Variants in USP34 observed in about 807,000 individuals in gnomAD.
USP34 encodes ubiquitin specific peptidase 34.
Under a neutral mutation model 460.3 loss-of-function variants are expected in USP34, and 70 were observed. The ratio of observed to expected loss-of-function variants is 0.15; its 90% CI spans 0.13 to 0.19. The LOEUF is 0.19. Among genes scored for constraint, USP34 ranks in the 10% least tolerant of loss-of-function variants. The pLI, the probability that USP34 is intolerant of heterozygous loss-of-function variation, is 1.00. For synonymous variants in USP34, 1,647 were observed against 1,405.3 expected (o/e 1.17, Z -3.85); for missense variants, 3,985 against 4,236.2 (o/e 0.94, Z 1.65).
intron 18 of USP34, among the ~76,000 whole-genome samples, chr2:61,338,853 A>G (rs561417340): frequency 1.8e-4 from 27 of 152,328 alleles, no homozygotes; most frequent in South Asian, 1.7e-3. Context: ...AGAACTGTAC[A>G]TATCTAATAT....
chr2:61,430,237 A>G (rs1558589807), intron 1 of USP34, among the ~76,000 whole-genome samples: 1 of 60,446 alleles, frequency 1.7e-5, no homozygotes, highest in African/African-American at 5.4e-5. Context: ...AAAAGAAAAG[A>G]AAAAAAAAAT....
intron 15 of USP34, among the ~76,000 whole-genome samples, chr2:61,345,738 G>T (rs1012111862): frequency 6.6e-6 from 1 of 152,082 alleles, no homozygotes; most frequent in Admixed American, 6.6e-5. Context: ...GGACTCAAGC[G>T]ATCCTTCCAC....
At chr2:61,435,979 G>T (rs1425371671) in intron 1 of USP34, among the ~76,000 whole-genome samples, 1 of 152,028 alleles carries the variant, frequency 6.6e-6, no homozygotes, top group Non-Finnish European at 1.5e-5. Flanking sequence ...AGTAAACCAA[G>T]ATCACCCCAT....
At chr2:61,319,956 C>G (rs944190399) in intron 21 of USP34, among the ~76,000 whole-genome samples, 4 of 152,142 alleles carry the variant, frequency 2.6e-5, no homozygotes, top group African/African-American at 9.7e-5. Flanking sequence ...TTAATACAAA[C>G]CACTAAGATA....
At position 61,454,859 on chromosome 2, in the gene USP34, GT is replaced by G. The variant is rs36058836; in HGVS notation, c.43+15790del. On this transcript the variant is annotated intron_variant, in intron 1 of 79. Transcript: ENST00000398571. ...CGCCACACCCAGCAAATATAGTGGG[GT>G]TTTTTTTTTCTTTTTTTTTTTTTTT... Among the ~76,000 whole-genome samples the G allele has an allele frequency of 4.7e-4, 40 of 84,706 alleles. 3 individuals carry two copies. Among genetic ancestry groups the G allele is most frequent in the Non-Finnish European group, 6.5e-4 (27 of 41,350 alleles). The allele number at this position is 84,706 out of a possible 152,430, so 55.6% of individuals were successfully genotyped here. A position where few individuals can be genotyped will look rare whatever the true frequency, so the allele number is the denominator to read the frequency against.
At position 61,395,230 on chromosome 2, in the gene USP34, T is replaced by C. The variant is rs916226025; in HGVS notation, c.556A>G (p.Ile186Val). ...AATATGTTACTTTCTTGAGTTGATA[T>C]ATCCTAATTAAAAAAAAAAAAGCAA... ...KHNTHPTIED[I>V]STQESNILGA... Residue 186 changes from isoleucine to valine, a missense_variant, in exon 4 of 80, where the codon ATA (isoleucine) becomes GTA (valine). Coordinates refer to ENST00000398571, the MANE Select transcript of USP34 (RefSeq NM_014709.4). The C allele has an allele frequency of 6.8e-7, 1 of 1,465,240 alleles. No individual in the cohort carries two copies. Among genetic ancestry groups the C allele is most frequent in the Non-Finnish European group, 9.4e-7 (1 of 1,065,864 alleles). 90.8% of individuals were successfully genotyped at this position (1,465,240 alleles called of 1,614,324 possible).
intron 20 of USP34, among the ~76,000 whole-genome samples, chr2:61,329,962 A>C (rs769987795): frequency 3.3e-5 from 5 of 152,210 alleles, no homozygotes; most frequent in Non-Finnish European, 5.9e-5. Context: ...AGAATGAACC[A>C]GCATATGGGA....
In USP34 at chr2:61,370,305, G is replaced by T. The variant is rs562385332; in HGVS notation, c.1251+16C>A. 19 of 1,610,304 alleles carry T rather than the reference G, an allele frequency of 1.2e-5. No homozygotes were observed. Among genetic ancestry groups the T allele is most frequent in the African/African-American group, 5.3e-5 (4 of 74,884 alleles). On this transcript the variant is annotated intron_variant, in intron 10 of 79. Transcript: ENST00000398571. ...GATAAGCAAAGCACTCAATAAATGT[G>T]AGCTGTTAATATTACCTGTGCTGCA...
intron 27 of USP34, among the ~76,000 whole-genome samples, chr2:61,304,003 T>C (rs1465066614): frequency 6.6e-6 from 1 of 152,168 alleles, no homozygotes; most frequent in East Asian, 1.9e-4. Context: ...GCTTAAGCGA[T>C]TCTCATGCCT....
chr2:61,445,048 A>C (rs999430345), intron 1 of USP34, among the ~76,000 whole-genome samples: 1 of 151,960 alleles, frequency 6.6e-6, no homozygotes, highest in African/African-American at 2.4e-5. Context: ...TGGTTTGAAG[A>C]AGCAATAGTA....
chr2:61,401,165 A>T (rs931841106), intron 3 of USP34, among the ~76,000 whole-genome samples: 10 of 151,432 alleles, frequency 6.6e-5, no homozygotes, highest in Non-Finnish European at 1.2e-4. Flanking sequence ...AAAAAAAAAA[A>T]AAAATTAAAA....
At chr2:61,204,037 G>A (rs374413592) in intron 74 of USP34, among the ~76,000 whole-genome samples, 8 of 151,534 alleles carry the variant, frequency 5.3e-5, no homozygotes, top group Admixed American at 2.6e-4. Flanking sequence ...GGTAATTTTT[G>A]AGGGGGAAAA....
At chr2:61,462,573 A>C (rs1695635806) in intron 1 of USP34, among the ~76,000 whole-genome samples, 1 of 150,514 alleles carries the variant, frequency 6.6e-6, no homozygotes. Flanking sequence ...AAATCAATTC[A>C]GGAGAACCGG....
chr2:61,307,043 G>T (rs1340826890), intron 27 of USP34, among the ~76,000 whole-genome samples: 1 of 151,934 alleles, frequency 6.6e-6, no homozygotes, highest in African/African-American at 2.4e-5. Flanking sequence ...CTATTCACAA[G>T]AGCAAAGACT....
intron 3 of USP34, among the ~76,000 whole-genome samples, chr2:61,395,526 CG>C (rs1474350734): frequency 6.8e-6 from 1 of 147,602 alleles, no homozygotes; most frequent in Non-Finnish European, 1.5e-5. Flanking sequence ...CGGCCGGACG[CG>C]GTGGCTCACG....
At chr2:61,387,538 CAT>C (rs918943764) in intron 5 of USP34, among the ~76,000 whole-genome samples, 11 of 143,956 alleles carry the variant, frequency 7.6e-5, no homozygotes, top group African/African-American at 2.6e-4. Flanking sequence ...TATATACACA[CAT>C]ATATAAAATA....
intron 1 of USP34, among the ~76,000 whole-genome samples, chr2:61,442,073 G>A (rs953480928): frequency 2.0e-5 from 3 of 152,046 alleles, no homozygotes; most frequent in Non-Finnish European, 2.9e-5. Context: ...GACATCCATA[G>A]GCACAACAAT....
At chr2:61,264,890 C>T (rs539354189) in intron 43 of USP34, among the ~76,000 whole-genome samples, 10 of 151,738 alleles carry the variant, frequency 6.6e-5, no homozygotes, top group South Asian at 4.2e-4. Context: ...AAATAGCCCA[C>T]GGTAAAAAAG....
At chr2:61,470,137 T>TA (rs1414686645) in intron 1 of USP34, among the ~76,000 whole-genome samples, 2 of 152,308 alleles carry the variant, frequency 1.3e-5, no homozygotes, top group Admixed American at 1.3e-4. Flanking sequence ...CTGAAGTGTT[T>TA]AAGACACCCA....
Sources: allele counts gnomAD v4.1 joint callset (sites outside exome capture counted in the v4.1 genomes callset), GRCh38; gene constraint gnomAD v4.1.1; transcripts MANE v1.5; gene names NCBI Gene and HGNC (gene_info 2026-07-23, HGNC 2026-07-21).